Variants in PABPC4L observed in about 807,000 individuals in gnomAD.
The protein encoded by PABPC4L is polyadenylate-binding protein 4-like.
For missense variants in PABPC4L, 452 were observed against 451.4 expected (o/e 1.00, Z -0.01); for synonymous variants, 169 against 164.1 (o/e 1.03, Z -0.23).
At chr4:134,138,059 TCC>T in the PABPC4L span, among the ~76,000 whole-genome samples, 1 of 151,688 alleles carries the variant, frequency 6.6e-6, no homozygotes, top group African/African-American at 2.4e-5. Context: ...GGTGGATGCT[TCC>T]ATTTTCAAAG....
the PABPC4L span, among the ~76,000 whole-genome samples, chr4:133,960,627 T>C: frequency 6.6e-6 from 1 of 152,124 alleles, no homozygotes; most frequent in Non-Finnish European, 1.5e-5. Context: ...GGGGAAGAAC[T>C]AAAGCTCTTT....
the PABPC4L span, among the ~76,000 whole-genome samples, chr4:134,054,001 A>G: frequency 6.6e-6 from 1 of 151,374 alleles, no homozygotes; most frequent in Non-Finnish European, 1.5e-5. Context: ...AATTTTATGA[A>G]AAAAAATACA....
chr4:133,965,668 T>C, the PABPC4L span, among the ~76,000 whole-genome samples: 8 of 152,032 alleles, frequency 5.3e-5, no homozygotes, highest in Non-Finnish European at 1.0e-4. Flanking sequence ...ACCCAAATAC[T>C]TGCAGCCAAC....
At chr4:134,079,774 C>T in the PABPC4L span, among the ~76,000 whole-genome samples, 4 of 151,792 alleles carry the variant, frequency 2.6e-5, no homozygotes, top group East Asian at 5.8e-4. Flanking sequence ...TCTTACTGAA[C>T]TGCTGAATGT....
At chr4:134,098,326 T>G in the PABPC4L span, among the ~76,000 whole-genome samples, 1 of 151,916 alleles carries the variant, frequency 6.6e-6, no homozygotes, top group Non-Finnish European at 1.5e-5. Flanking sequence ...AATATGATTT[T>G]CCTCTGTAAA....
chr4:134,132,898 A>G, the PABPC4L span, among the ~76,000 whole-genome samples: 1 of 146,590 alleles, frequency 6.8e-6, no homozygotes, highest in Non-Finnish European at 1.5e-5. Context: ...TTAAAATATT[A>G]TATATTATAT....
the PABPC4L span, among the ~76,000 whole-genome samples, chr4:134,058,167 A>T: frequency 6.6e-6 from 1 of 152,024 alleles, no homozygotes; most frequent in Non-Finnish European, 1.5e-5. Flanking sequence ...TTGTGAAATG[A>T]TTGAGACTAC....
the PABPC4L span, among the ~76,000 whole-genome samples, chr4:134,152,221 T>C: frequency 6.6e-6 from 1 of 152,120 alleles, no homozygotes; most frequent in Non-Finnish European, 1.5e-5. Context: ...TTTTAGCTTC[T>C]ATAGCTACGA....
At chr4:134,025,727 T>C in the PABPC4L span, among the ~76,000 whole-genome samples, 1 of 152,190 alleles carries the variant, frequency 6.6e-6, no homozygotes, top group African/African-American at 2.4e-5. Context: ...AATCTCTTTT[T>C]AAATAATTTT....
the PABPC4L span, among the ~76,000 whole-genome samples, chr4:134,044,853 T>C: frequency 1.3e-5 from 2 of 152,306 alleles, no homozygotes; most frequent in East Asian, 1.9e-4. Flanking sequence ...TTTGGCAGTG[T>C]TATGTTTCTA....
At chr4:133,994,986 G>A in the PABPC4L span, among the ~76,000 whole-genome samples, 1 of 152,042 alleles carries the variant, frequency 6.6e-6, no homozygotes, top group Non-Finnish European at 1.5e-5. Context: ...CTAATTTTTT[G>A]GAGCAGAGTA....
At chr4:134,020,351 GATTA>G in the PABPC4L span, among the ~76,000 whole-genome samples, 1 of 152,024 alleles carries the variant, frequency 6.6e-6, no homozygotes, top group East Asian at 1.9e-4. Context: ...TGTGATGAAG[GATTA>G]ATTTTCTTAA....
the PABPC4L span, among the ~76,000 whole-genome samples, chr4:134,014,838 A>G: frequency 6.6e-6 from 1 of 151,986 alleles, no homozygotes; most frequent in Non-Finnish European, 1.5e-5. Context: ...AGCCAAGCTT[A>G]TAAACCTCTT....
chr4:133,997,492 T>C, the PABPC4L span, among the ~76,000 whole-genome samples: 1 of 119,618 alleles, frequency 8.4e-6, no homozygotes, highest in East Asian at 2.7e-4. Flanking sequence ...CTTTCATGTC[T>C]TATTAAAAAA....
the PABPC4L span, among the ~76,000 whole-genome samples, chr4:134,059,707 C>T: frequency 6.6e-6 from 1 of 151,508 alleles, no homozygotes; most frequent in East Asian, 1.9e-4. Flanking sequence ...TTCAGGAAGT[C>T]CCCTGAAATG....
the PABPC4L span, among the ~76,000 whole-genome samples, chr4:134,111,834 C>T: frequency 3.2e-3 from 491 of 152,010 alleles, 8 homozygotes; most frequent in Non-Finnish European, 5.5e-3. Flanking sequence ...AATAAACCTC[C>T]CTCTTTTGTA....
the PABPC4L span, among the ~76,000 whole-genome samples, chr4:133,949,177 C>T: frequency 1.3e-5 from 2 of 152,154 alleles, no homozygotes; most frequent in Non-Finnish European, 2.9e-5. Flanking sequence ...ATGACTCACC[C>T]AACCTTGAAA....
At chr4:134,078,089 T>C in the PABPC4L span, among the ~76,000 whole-genome samples, 1 of 152,190 alleles carries the variant, frequency 6.6e-6, no homozygotes, top group African/African-American at 2.4e-5. Context: ...AATACAGTGA[T>C]ATAAGGTAAG....
the PABPC4L span, among the ~76,000 whole-genome samples, chr4:134,111,389 A>C: frequency 6.6e-6 from 1 of 152,036 alleles, no homozygotes; most frequent in Non-Finnish European, 1.5e-5. Context: ...CAATATATAG[A>C]CATAGATGCA....
Sources: allele counts gnomAD v4.1 joint callset (sites outside exome capture counted in the v4.1 genomes callset), GRCh38; gene constraint gnomAD v4.1.1; transcripts MANE v1.5; gene names NCBI Gene and HGNC (gene_info 2026-07-23, HGNC 2026-07-21).